The following RAX variants were observed in gnomAD, a reference collection of about 807,000 sequenced individuals.
RAX encodes retinal homeobox protein Rx.
RAX carries 11 observed loss-of-function variants against 17.4 expected under a neutral mutation model. The observed-to-expected ratio is 0.63, with a 90% CI of 0.40 to 1.05. The LOEUF is 1.05. RAX is among the 50% of genes least tolerant of loss of function. RAX has a pLI of 0.00. For synonymous variants in RAX, 276 were observed against 254.7 expected, an observed-to-expected ratio of 1.08 and a Z score of -0.80; for missense variants, 527 against 501.1, an observed-to-expected ratio of 1.05 and a Z score of -0.49.
chr18:59,272,439 G>A lies in RAX; in HGVS notation c.465C>T (p.Phe155=), dbSNP rs2070345513. Residue 155 remains phenylalanine, a synonymous_variant, in exon 2 of 3, where the codon TTC becomes TTT. Transcript: ENST00000334889. ...TYQLHELERA[F]EKSHYPDVYS... ...ACACGTCCGGGTAGTGGGACTTCTC[G>A]AACGCGCGCTCCAGCTCATGCAGCT... 1.2e-6 allele frequency: 2 copies of A among 1,614,226 alleles called. No homozygotes were observed. The highest frequency in any genetic ancestry group is 2.2e-5 in the South Asian group (2 of 91,082).
Position 59,268,893 on chromosome 18 carries a change from G to A in RAX, c.*111C>T, listed in dbSNP as rs887231997. 23 of 1,550,440 alleles carry A rather than the reference G, an allele frequency of 1.5e-5. No individual in the cohort carries two copies. In the African/African-American group the frequency reaches 2.3e-4, roughly 16 times the overall value. Reference sequence around the variant, plus strand: ...GAACTATGCTTGGCGGGTGGCTGCAGGCGACAGGGAAAGAGGGGCCGAGCT... The same window carrying A: ...GAACTATGCTTGGCGGGTGGCTGCAAGCGACAGGGAAAGAGGGGCCGAGCT... On this transcript the variant is annotated 3_prime_UTR_variant, in exon 3 of 3. Transcript: ENST00000334889. This position sits in a 1 kb window ranked among gnomAD's most constrained non-coding sequence, Gnocchi z 4.4.
At position 59,269,733 on chromosome 18, in the gene RAX, TCTC is replaced by T. The variant is rs748278360; in HGVS notation, c.544-235_544-233del. On this transcript the variant is annotated intron_variant, in intron 2 of 2. Transcript: ENST00000334889. Reference sequence around the variant, plus strand: ...TCCATCCCCTTTCTCTCTCTCTCTCTCTCTCTTTTTTTTTTTTTTTTGGCCTCT... The same window carrying T: ...TCCATCCCCTTTCTCTCTCTCTCTCTTCTTTTTTTTTTTTTTTTGGCCTCT... Among the ~76,000 whole-genome samples, 46 of 120,252 alleles carry T rather than the reference TCTC, an allele frequency of 3.8e-4. 1 individual carries two copies. The highest frequency in any genetic ancestry group is 1.5e-3 in the South Asian group (6 of 3,892). 78.9% of individuals were successfully genotyped at this position (120,252 alleles called of 152,430 possible). A position where few individuals can be genotyped will look rare whatever the true frequency, so the allele number is the denominator to read the frequency against.
Position 59,267,886 on chromosome 18 carries a change from T to C in RAX, c.*1118A>G, listed in dbSNP as rs988111904. On this transcript the variant is annotated 3_prime_UTR_variant, in exon 3 of 3. Coordinates refer to ENST00000334889, the MANE Select transcript of RAX (RefSeq NM_013435.3). The stretch of plus-strand genomic sequence containing the variant: ...AGAACTAGCTCTCGGGGCGGTGGCG[T>C]AGGGCGCTCCAGGACACTCTCCGAG... The C allele has an allele frequency of 3.9e-5, 6 of 152,098 alleles. No individual in the cohort carries two copies. Among genetic ancestry groups the C allele is most frequent in the African/African-American group, 1.4e-4 (6 of 41,396 alleles). The allele number at this position is 152,098 out of a possible 1,614,324, so 9.4% of individuals were successfully genotyped here.
chr18:59,269,546 C>A, intron 2 of RAX, 45 bp from the exon 3 acceptor site: 3 of 1,585,948 alleles, frequency 1.9e-6, no homozygotes, highest in Non-Finnish European at 2.6e-6. Context: ...GCGGAGGCTG[C>A]GGCCGCGTCC....
chr18:59,271,028 C>T (rs1355198268), intron 2 of RAX, among the ~76,000 whole-genome samples: 1 of 152,226 alleles, frequency 6.6e-6, no homozygotes, highest in Non-Finnish European at 1.5e-5. Flanking sequence ...CTGCTGCCCT[C>T]GGTGTGGGAG....
intron 2 of RAX, among the ~76,000 whole-genome samples, chr18:59,270,211 C>A (rs948219178): frequency 2.0e-5 from 3 of 152,168 alleles, no homozygotes; most frequent in Non-Finnish European, 4.4e-5. Context: ...TTGCCCCAAC[C>A]ATATTTGAAT....
chr18:59,272,880 G>A (rs767771989), intron 1 of RAX, 38 bp downstream of exon 1: 1 of 1,489,452 alleles, frequency 6.7e-7, no homozygotes, highest in African/African-American at 1.4e-5. Context: ...AAGCTCGGGC[G>A]CCCGAACGGC....
chr18:59,271,503 A>G (rs765917766), intron 2 of RAX, among the ~76,000 whole-genome samples: 17 of 152,268 alleles, frequency 1.1e-4, no homozygotes, highest in South Asian at 8.3e-4. Flanking sequence ...TAAGCAGAAA[A>G]GAAAAAGCAG....
chr18:59,273,362 G>C lies in RAX; in HGVS notation c.-156C>G. On this transcript the variant is annotated 5_prime_UTR_variant, in exon 1 of 3. Transcript: ENST00000334889. ...CGGGCTGCGCACGCTGGGGGTGGCC[G>C]AGCGCTCAGCCCGCTGCCGCCTTAG... is the stretch of plus-strand genomic sequence containing the variant. 1 of 787,312 alleles carries C rather than the reference G, an allele frequency of 1.3e-6. No homozygotes were observed. The highest frequency in any genetic ancestry group is 1.9e-6 in the Non-Finnish European group (1 of 528,912). 48.8% of individuals were successfully genotyped at this position (787,312 alleles called of 1,614,324 possible). A position where few individuals can be genotyped will look rare whatever the true frequency, so the allele number is the denominator to read the frequency against.
Position 59,268,388 on chromosome 18 carries a change from AT to A in RAX, c.*615del, listed in dbSNP as rs1403342488. 1 of 152,464 alleles carries A rather than the reference AT, an allele frequency of 6.6e-6. No individual in the cohort carries two copies. Among genetic ancestry groups the A allele is most frequent in the East Asian group, 1.9e-4 (1 of 5,160 alleles). 9.4% of individuals were successfully genotyped at this position (152,464 alleles called of 1,614,324 possible). A position where few individuals can be genotyped will look rare whatever the true frequency, so the allele number is the denominator to read the frequency against. ...TCTGCTGCAGCGAAGTGTCCCTAGA[AT>A]TTTCACAAGGAAACCCTGAGCTTCT... On this transcript the variant is annotated 3_prime_UTR_variant, in exon 3 of 3. Coordinates refer to ENST00000334889, the MANE Select transcript of RAX (RefSeq NM_013435.3). The surrounding 1 kb of genome is among the most constrained non-coding windows in gnomAD (Gnocchi z 4.4).
Position 59,272,316 on chromosome 18 carries a change from C to A in RAX, c.543+45G>T, listed in dbSNP as rs2070344151. ...CGAGAAGCATTGGCTGCAATTTGGG[C>A]CTCGGGCCCTCCCAGATCCCAGTTC... is the stretch of plus-strand genomic sequence containing the variant. On this transcript the variant is annotated intron_variant, in intron 2 of 2. Transcript: ENST00000334889. 3 of 1,613,698 alleles carry A rather than the reference C, an allele frequency of 1.9e-6. No homozygotes were observed. In the Admixed American group the frequency reaches 5.0e-5, roughly 27 times the overall value.
At chr18:59,271,236 G>C (rs143322544) in intron 2 of RAX, among the ~76,000 whole-genome samples, 1 of 152,222 alleles carries the variant, frequency 6.6e-6, no homozygotes, top group South Asian at 2.1e-4. Flanking sequence ...TGCCCAGGGA[G>C]CTGAGTCTGC....
At position 59,268,213 on chromosome 18, in the gene RAX, C is replaced by T. The variant is rs1010776528; in HGVS notation, c.*791G>A. 1 of 152,178 alleles carries T rather than the reference C, an allele frequency of 6.6e-6. No individual in the cohort carries two copies. The highest frequency in any genetic ancestry group is 1.9e-4 in the East Asian group (1 of 5,170). 9.4% of individuals were successfully genotyped at this position (152,178 alleles called of 1,614,324 possible). On this transcript the variant is annotated 3_prime_UTR_variant, in exon 3 of 3. Transcript: ENST00000334889. This position sits in a 1 kb window ranked among gnomAD's most constrained non-coding sequence, Gnocchi z 4.4. Reference sequence around the variant, plus strand: ...AAGTCAAACTTGAAAATATCAGCTGCCGCTGGACTATGGGGCTAGCGGGGG... The same window carrying T: ...AAGTCAAACTTGAAAATATCAGCTGTCGCTGGACTATGGGGCTAGCGGGGG...
chr18:59,272,211 G>A (rs1288118804), intron 2 of RAX, 150 bp downstream of exon 2: 1 of 1,072,932 alleles, frequency 9.3e-7, no homozygotes, highest in African/African-American at 1.6e-5. Flanking sequence ...GAACATCGAA[G>A]ATCTGTGCCT....
chr18:59,270,067 C>T (rs2070325054), intron 2 of RAX, among the ~76,000 whole-genome samples: 1 of 152,092 alleles, frequency 6.6e-6, no homozygotes, highest in African/African-American at 2.4e-5. Context: ...TCTGCTTTAC[C>T]TACCCTTTGT....
Position 59,267,957 on chromosome 18 carries a change from G to A in RAX, c.*1047C>T, listed in dbSNP as rs1283441424. ...GCCTTTTACCGAACTCTGGGTTGGC[G>A]AGTGTGGAGCGAGTTGGGGAGGTTA... On this transcript the variant is annotated 3_prime_UTR_variant, in exon 3 of 3. Coordinates refer to ENST00000334889, the MANE Select transcript of RAX (RefSeq NM_013435.3). The A allele has an allele frequency of 1.3e-5, 2 of 152,238 alleles. No individual in the cohort carries two copies. Among genetic ancestry groups the A allele is most frequent in the Non-Finnish European group, 2.9e-5 (2 of 68,072 alleles). The allele number at this position is 152,238 out of a possible 1,614,324, so 9.4% of individuals were successfully genotyped here.
intron 2 of RAX, among the ~76,000 whole-genome samples, chr18:59,270,888 C>T (rs927599874): frequency 2.6e-5 from 4 of 152,194 alleles, no homozygotes; most frequent in Non-Finnish European, 4.4e-5. Flanking sequence ...TGGGTGAGGG[C>T]TCCTGTCCCA....
intron 2 of RAX, among the ~76,000 whole-genome samples, chr18:59,270,769 G>C (rs988781960): frequency 6.6e-6 from 1 of 152,218 alleles, no homozygotes; most frequent in African/African-American, 2.4e-5. Flanking sequence ...AACAACAAAA[G>C]TGTAAGTACC....
rs575704843 is a variant in RAX at position 59,272,867 on chromosome 18, C to T, written c.289+51G>A. 17 of 1,491,708 alleles carry T rather than the reference C, an allele frequency of 1.1e-5. No homozygotes were observed. The East Asian group carries it at 4.0e-4, about 35-fold the overall frequency. The allele number at this position is 1,491,708 out of a possible 1,614,324, so 92.4% of individuals were successfully genotyped here. A position where few individuals can be genotyped will look rare whatever the true frequency, so the allele number is the denominator to read the frequency against. On this transcript the variant is annotated intron_variant, in intron 1 of 2. Coordinates refer to ENST00000334889, the MANE Select transcript of RAX (RefSeq NM_013435.3). ...AAGGGGCGCTCTCGTCTGGCCAACT[C>T]CTAAGCTCGGGCGCCCGAACGGCCT...
Sources: gnomAD v4.1 joint callset for allele counts (sites outside exome capture counted in the v4.1 genomes callset) on GRCh38, gnomAD v4.1.1 for gene constraint, Gnocchi (gnomAD v3.1) non-coding constraint, MANE v1.5 for transcripts, NCBI Gene and HGNC (gene_info 2026-07-23, HGNC 2026-07-21) for gene names.